SH3BP5: variants seen among roughly 807,000 people sequenced by gnomAD.
SH3BP5 encodes SH3 domain-binding protein 5.
In SH3BP5, 22 loss-of-function variants were observed where a neutral mutation model predicts 43.3. The observed-to-expected ratio is 0.51, with a 90% confidence interval of 0.36 to 0.73. The LOEUF is 0.73. SH3BP5 is among the 30% of genes least tolerant of loss of function. The probability of loss-of-function intolerance (pLI) is 0.00; values close to 1 mark genes in which losing one functional copy is unlikely to be tolerated. For missense variants in SH3BP5, 529 were observed against 586.9 expected, an observed-to-expected ratio of 0.90 and a Z score of 1.02; for synonymous variants, 255 against 225.8, an observed-to-expected ratio of 1.13 and a Z score of -1.16.
At chr3:15,341,254 C>G (rs1006801354) in exon 1 of SH3BP5, 3 of 152,574 alleles carry the variant, frequency 2.0e-5, no homozygotes, top group Admixed American at 1.3e-4. Flanking sequence ...TCAGCTGGCT[C>G]TGTCCTCAGG....
chr3:15,261,144 G>A (rs1024954048), intron 5 of SH3BP5, among the ~76,000 whole-genome samples: 1 of 152,106 alleles, frequency 6.6e-6, no homozygotes, highest in Non-Finnish European at 1.5e-5. Flanking sequence ...CCATATACAC[G>A]TCTACTACTT....
chr3:15,305,988 A>C (rs1038558046), intron 2 of SH3BP5, among the ~76,000 whole-genome samples: 1 of 150,104 alleles, frequency 6.7e-6, no homozygotes, highest in African/African-American at 2.5e-5. Flanking sequence ...CATCCCCTCT[A>C]CCTCTCCCTC....
chr3:15,327,293 G>A (rs1328548684), intron 2 of SH3BP5, among the ~76,000 whole-genome samples: 2 of 152,102 alleles, frequency 1.3e-5, no homozygotes, highest in African/African-American at 2.4e-5. Flanking sequence ...CCAGCTACTC[G>A]GGAGGCTGAG....
At chr3:15,326,575 T>C (rs1386861350) in intron 2 of SH3BP5, among the ~76,000 whole-genome samples, 1 of 152,234 alleles carries the variant, frequency 6.6e-6, no homozygotes, top group Non-Finnish European at 1.5e-5. Context: ...TCCATACTTG[T>C]GAATTCGTCT....
chr3:15,334,054 G>C (rs960630777), upstream of SH3BP5, among the ~76,000 whole-genome samples: 1 of 152,182 alleles, frequency 6.6e-6, no homozygotes, highest in Non-Finnish European at 1.5e-5. Flanking sequence ...GAAATAAACA[G>C]AACTCTGGGG....
At chr3:15,341,105 G>T (rs1402745061) in intron 1 of SH3BP5, 1 of 151,988 alleles carries the variant, frequency 6.6e-6, no homozygotes, top group Non-Finnish European at 1.5e-5. Context: ...TTATAAAAAG[G>T]CTGCTATAAA....
intron 2 of SH3BP5, among the ~76,000 whole-genome samples, chr3:15,322,033 C>T (rs947974912): frequency 6.6e-5 from 10 of 151,968 alleles, no homozygotes; most frequent in African/African-American, 4.8e-5. Flanking sequence ...AGTGAAACCC[C>T]GTCTCTACTA....
At chr3:15,336,786 T>C (rs949818004), upstream of SH3BP5, among the ~76,000 whole-genome samples, 1 of 152,208 alleles carries the variant, frequency 6.6e-6, no homozygotes, top group African/African-American at 2.4e-5. Context: ...AACCCTTGAT[T>C]CAGGGCTTCA....
At chr3:15,287,803 G>A (rs1490231079) in intron 3 of SH3BP5, among the ~76,000 whole-genome samples, 3 of 152,242 alleles carry the variant, frequency 2.0e-5, no homozygotes, top group Admixed American at 6.5e-5. Context: ...GAGTAGTGAC[G>A]TGCGTGTACA....
chr3:15,262,085 T>C, intron 5 of SH3BP5, 74 bp downstream of exon 5: 2 of 1,571,742 alleles, frequency 1.3e-6, no homozygotes, highest in East Asian at 4.5e-5. Context: ...CTTGAGTGTG[T>C]GACATACAAA....
At chr3:15,292,847 T>C (rs1421661792) in intron 3 of SH3BP5, among the ~76,000 whole-genome samples, 1 of 151,916 alleles carries the variant, frequency 6.6e-6, no homozygotes, top group Non-Finnish European at 1.5e-5. Flanking sequence ...AAATTCCATC[T>C]AAAAAGAAAA....
chr3:15,284,719 A>T lies in SH3BP5; in HGVS notation c.331-14842T>A, dbSNP rs571994224. 7.2e-5 allele frequency among the ~76,000 whole-genome samples: 11 copies of T among 152,298 alleles called. No individual in the cohort carries two copies. The South Asian group carries it at 2.3e-3, about 32-fold the overall frequency. On this transcript the variant is annotated intron_variant, in intron 3 of 8. Coordinates refer to ENST00000383791, the MANE Select transcript of SH3BP5 (RefSeq NM_004844.5). ...AGTCCCAGGGGATGCCATTTAACAG[A>T]GGCAGAGGACACACCCACTCTAGAC... is the stretch of plus-strand genomic sequence containing the variant.
intron 2 of SH3BP5, among the ~76,000 whole-genome samples, chr3:15,305,151 T>A (rs1415545883): frequency 2.0e-5 from 3 of 152,250 alleles, no homozygotes; most frequent in South Asian, 4.2e-4. Context: ...ATATTTAAAA[T>A]TTTTTAATTA....
chr3:15,310,702 G>C (rs959945488), intron 2 of SH3BP5, among the ~76,000 whole-genome samples: 3 of 152,188 alleles, frequency 2.0e-5, no homozygotes, highest in African/African-American at 7.2e-5. Flanking sequence ...GCACTTGAAA[G>C]AGTTCTTAAA....
intron 1 of SH3BP5, chr3:15,330,829 G>C (rs757323566): frequency 1.0e-5 from 8 of 779,694 alleles, no homozygotes; most frequent in Non-Finnish European, 1.2e-5. Context: ...ACTATTCCAG[G>C]TACATGCCTT....
chr3:15,270,047 T>C (rs1273539619), intron 3 of SH3BP5, among the ~76,000 whole-genome samples, 170 bp from the exon 4 acceptor site: 1 of 152,226 alleles, frequency 6.6e-6, no homozygotes. Context: ...AATGGACCCC[T>C]GATGGGGGAG....
chr3:15,313,784 G>C (rs1418039690), intron 2 of SH3BP5, among the ~76,000 whole-genome samples: 2 of 152,150 alleles, frequency 1.3e-5, no homozygotes, highest in Non-Finnish European at 1.5e-5. Flanking sequence ...AATGTGGCTG[G>C]TGCAACTGAG....
At chr3:15,262,669 C>G (rs1040223535) in intron 4 of SH3BP5, among the ~76,000 whole-genome samples, 2 of 150,830 alleles carry the variant, frequency 1.3e-5, no homozygotes, top group African/African-American at 4.9e-5. Context: ...AATAAAAATA[C>G]TCTTTGGGCC....
intron 3 of SH3BP5, among the ~76,000 whole-genome samples, chr3:15,276,844 A>C (rs1261359868): frequency 6.6e-6 from 1 of 152,262 alleles, no homozygotes; most frequent in East Asian, 1.9e-4. Flanking sequence ...GATAATGTGT[A>C]TAAAGTGTTC....
Sources: allele counts gnomAD v4.1 joint callset (sites outside exome capture counted in the v4.1 genomes callset), GRCh38; gene constraint gnomAD v4.1.1; transcripts MANE v1.5; gene names NCBI Gene and HGNC (gene_info 2026-07-23, HGNC 2026-07-21).